The following FAM107B variants were observed in gnomAD, a reference collection of about 807,000 sequenced individuals.
FAM107B encodes the protein protein FAM107B.
A neutral mutation model predicts 31.5 loss-of-function variants in FAM107B; 21 were observed. The ratio of observed to expected loss-of-function variants is 0.67; its 90% CI spans 0.47 to 0.96. FAM107B has a LOEUF of 0.96. FAM107B is among the 40% of genes least tolerant of loss of function. The pLI is 0.00. For synonymous variants in FAM107B, 157 were observed against 141.5 expected (o/e 1.11, Z -0.78); for missense variants, 452 against 377.1 (o/e 1.20, Z -1.64).
intron 2 of FAM107B, among the ~76,000 whole-genome samples, chr10:14,553,124 C>T (rs1849407391): frequency 2.0e-5 from 3 of 152,148 alleles, no homozygotes; most frequent in African/African-American, 4.8e-5. Flanking sequence ...ATCTTCTCTT[C>T]CACCTAATCT....
At chr10:14,752,567 A>T (rs540575041) in intron 1 of FAM107B, among the ~76,000 whole-genome samples, 1 of 152,310 alleles carries the variant, frequency 6.6e-6, no homozygotes, top group Non-Finnish European at 1.5e-5. Flanking sequence ...TGTGGAGTTT[A>T]ATCGCATCGT....
chr10:14,521,432 AC>A, intron 4 of FAM107B, 126 bp from the exon 5 acceptor site: 1 of 762,990 alleles, frequency 1.3e-6, no homozygotes, highest in Middle Eastern at 2.6e-4. Context: ...CTGGTCCCCC[AC>A]TTTTAAAGAA....
intron 1 of FAM107B, among the ~76,000 whole-genome samples, chr10:14,770,975 TAAAAAAAAAA>T (rs56378196): frequency 1.2e-4 from 7 of 58,958 alleles, no homozygotes; most frequent in East Asian, 5.1e-4. Flanking sequence ...GAGGCTGAAC[TAAAAAAAAAA>T]AAAAAAAAAA....
chr10:14,647,534 A>G (rs1420899378), intron 2 of FAM107B, among the ~76,000 whole-genome samples: 1 of 152,046 alleles, frequency 6.6e-6, no homozygotes, highest in Non-Finnish European at 1.5e-5. Flanking sequence ...GTACAAAAAA[A>G]TTAGCCAGGC....
chr10:14,536,090 G>C (rs887001370), intron 2 of FAM107B, among the ~76,000 whole-genome samples: 10 of 152,210 alleles, frequency 6.6e-5, no homozygotes, highest in African/African-American at 2.4e-4. Flanking sequence ...GACTGCTCTG[G>C]TTCCATGTCT....
At chr10:14,585,892 T>C (rs1335349690) in intron 2 of FAM107B, among the ~76,000 whole-genome samples, 1 of 152,130 alleles carries the variant, frequency 6.6e-6, no homozygotes, top group African/African-American at 2.4e-5. Flanking sequence ...AAGCCTCTGT[T>C]ACTAATTACA....
At chr10:14,687,312 C>T (rs1045188933) in intron 1 of FAM107B, among the ~76,000 whole-genome samples, 70 of 152,134 alleles carry the variant, frequency 4.6e-4, no homozygotes, top group Non-Finnish European at 9.1e-4. Context: ...TGCAACCTCA[C>T]GGTCAAATAA....
intron 2 of FAM107B, among the ~76,000 whole-genome samples, chr10:14,645,977 C>G (rs1255344389): frequency 3.3e-5 from 5 of 152,096 alleles, no homozygotes; most frequent in Non-Finnish European, 5.9e-5. Flanking sequence ...ATCTGCAGAA[C>G]AGACCCAAAC....
At chr10:14,773,874 T>C (rs1047450735) in intron 1 of FAM107B, among the ~76,000 whole-genome samples, 2 of 152,152 alleles carry the variant, frequency 1.3e-5, no homozygotes, top group Non-Finnish European at 2.9e-5. Context: ...TTGTGGATTT[T>C]CATATAAATA....
intron 1 of FAM107B, among the ~76,000 whole-genome samples, chr10:14,770,341 G>A (rs1009701634): frequency 8.5e-5 from 13 of 152,072 alleles, no homozygotes; most frequent in Non-Finnish European, 2.9e-5. Context: ...TGGCCAACAT[G>A]GTGAAAACCC....
chr10:14,634,455 C>G (rs1853446625), intron 2 of FAM107B, among the ~76,000 whole-genome samples: 1 of 150,128 alleles, frequency 6.7e-6, no homozygotes. Flanking sequence ...TTTTGGATAA[C>G]AGGCAGCCAA....
intron 2 of FAM107B, among the ~76,000 whole-genome samples, chr10:14,627,004 T>G (rs1439523639): frequency 1.3e-5 from 2 of 152,294 alleles, no homozygotes; most frequent in East Asian, 3.9e-4. Context: ...ATGTTCCCTC[T>G]TCTCATCAAC....
At chr10:14,679,885 A>G (rs1446504717) in intron 1 of FAM107B, among the ~76,000 whole-genome samples, 1 of 152,180 alleles carries the variant, frequency 6.6e-6, no homozygotes, top group Non-Finnish European at 1.5e-5. Flanking sequence ...TCCGGCCTCC[A>G]TCTTTCTCCC....
At chr10:14,666,448 C>A (rs1854405875) in intron 2 of FAM107B, among the ~76,000 whole-genome samples, 1 of 152,064 alleles carries the variant, frequency 6.6e-6, no homozygotes, top group South Asian at 2.1e-4. Flanking sequence ...TAACTGCCCC[C>A]ATGATTAAAT....
chr10:14,575,388 A>G (rs1851434057), intron 2 of FAM107B, among the ~76,000 whole-genome samples: 1 of 152,074 alleles, frequency 6.6e-6, no homozygotes, highest in Non-Finnish European at 1.5e-5. Flanking sequence ...TTTTTAGTAG[A>G]GAAGGCATTT....
chr10:14,521,932 T>C lies in FAM107B; in HGVS notation c.741A>G (p.Glu247=), dbSNP rs780960343. Residue 247 remains glutamate, a synonymous_variant, in exon 4 of 5, where the codon GAA becomes GAG. Transcript: ENST00000181796. ...RDQVIKQKEE[E]AQKKKSDLEI... The stretch of plus-strand genomic sequence containing the variant: ...CCAAGTCAGATTTCTTCTTCTGTGC[T>C]TCTTCTTCCTTCTGCTTTATTACTT... 5.0e-5 allele frequency: 80 copies of C among 1,614,130 alleles called. No homozygotes were observed. The highest frequency in any genetic ancestry group is 6.8e-5 in the Non-Finnish European group (80 of 1,180,052).
intron 2 of FAM107B, among the ~76,000 whole-genome samples, chr10:14,627,597 A>G (rs536351287): frequency 1.1e-4 from 16 of 152,284 alleles, no homozygotes; most frequent in Non-Finnish European, 2.1e-4. Flanking sequence ...AACATTAACG[A>G]CACCCCATCT....
At chr10:14,667,270 T>TA (rs1419463176) in intron 2 of FAM107B, among the ~76,000 whole-genome samples, 1 of 152,208 alleles carries the variant, frequency 6.6e-6, no homozygotes, top group African/African-American at 2.4e-5. Context: ...CAAACTTATC[T>TA]AAATAATGTT....
intron 2 of FAM107B, chr10:14,553,363 C>A (rs1442576254): frequency 2.3e-6 from 3 of 1,279,086 alleles, no homozygotes; most frequent in East Asian, 5.6e-5. Flanking sequence ...TCTCTATCCA[C>A]AAAATTAGTT....
Sources: allele counts gnomAD v4.1 joint callset (sites outside exome capture counted in the v4.1 genomes callset), GRCh38; gene constraint gnomAD v4.1.1; transcripts MANE v1.5; gene names NCBI Gene and HGNC (gene_info 2026-07-23, HGNC 2026-07-21).